Variants in KCNH8 observed in about 807,000 individuals in gnomAD.
The protein encoded by KCNH8 is potassium voltage-gated channel subfamily H member 8.
In KCNH8, 70 loss-of-function variants were observed where a neutral mutation model predicts 103.6. The observed-to-expected ratio is 0.68, with a 90% CI of 0.56 to 0.82. The LOEUF (loss-of-function observed/expected upper bound fraction) is 0.82, where lower values mean the gene tolerates loss of function less well. Ranked by LOEUF, KCNH8 falls within the 40% of genes least tolerant of loss-of-function variation. The pLI, the probability that KCNH8 is intolerant of heterozygous loss-of-function variation, is 0.00. For missense variants in KCNH8, 1,217 were observed against 1,329.9 expected (o/e 0.92, Z 1.32); for synonymous variants, 498 against 489.4 (o/e 1.02, Z -0.23).
At chr3:19,517,974 T>G in intron 14 of KCNH8, 24 bp from the exon 15 acceptor site, 1 of 1,593,882 alleles carries the variant, frequency 6.3e-7, no homozygotes, top group Non-Finnish European at 8.6e-7. Context: ...AAAGGACTCA[T>G]TCTGTATGTG....
intron 3 of KCNH8, among the ~76,000 whole-genome samples, chr3:19,300,064 C>A (rs1276717385): frequency 1.3e-5 from 2 of 151,908 alleles, no homozygotes; most frequent in African/African-American, 4.8e-5. Flanking sequence ...GCCTGGCCAA[C>A]ATGGCGAAAC....
chr3:19,238,543 A>G (rs1445806753), intron 1 of KCNH8, among the ~76,000 whole-genome samples: 2 of 152,200 alleles, frequency 1.3e-5, no homozygotes, highest in African/African-American at 2.4e-5. Context: ...TTTATGATTT[A>G]ATAACCGCAT....
chr3:19,387,221 C>T (rs1010628990), intron 5 of KCNH8, among the ~76,000 whole-genome samples: 3 of 152,118 alleles, frequency 2.0e-5, no homozygotes, highest in African/African-American at 7.2e-5. Context: ...TACCTGGGTA[C>T]TGCTGATGCT....
chr3:19,161,288 G>A (rs969609152), intron 1 of KCNH8, among the ~76,000 whole-genome samples: 5 of 152,180 alleles, frequency 3.3e-5, no homozygotes, highest in African/African-American at 4.8e-5. Context: ...GAACATATCC[G>A]TCTCAGGTAA....
At chr3:19,210,266 A>G (rs562801380) in intron 1 of KCNH8, among the ~76,000 whole-genome samples, 1 of 152,158 alleles carries the variant, frequency 6.6e-6, no homozygotes, top group Non-Finnish European at 1.5e-5. Flanking sequence ...AAGGCTCTCG[A>G]TGTTTTTTTT....
At chr3:19,510,262 A>G in intron 11 of KCNH8, 101 bp from the exon 12 acceptor site, 1 of 758,000 alleles carries the variant, frequency 1.3e-6, no homozygotes, top group Non-Finnish European at 2.4e-6. Context: ...TCCCTCCCAC[A>G]AACTCTGTAC....
At chr3:19,485,280 A>AC (rs2068181773) in intron 11 of KCNH8, among the ~76,000 whole-genome samples, 1 of 152,198 alleles carries the variant, frequency 6.6e-6, no homozygotes, top group Non-Finnish European at 1.5e-5. Context: ...GTAAGTACAC[A>AC]CAAGAACCAG....
chr3:19,324,459 C>T (rs571161140), intron 3 of KCNH8, among the ~76,000 whole-genome samples: 142 of 152,284 alleles, frequency 9.3e-4, no homozygotes, highest in African/African-American at 3.2e-3. Flanking sequence ...GGGAAAACCA[C>T]TCCCATGATT....
At chr3:19,486,779 A>C (rs2125219975) in intron 11 of KCNH8, among the ~76,000 whole-genome samples, 1 of 152,228 alleles carries the variant, frequency 6.6e-6, no homozygotes, top group Non-Finnish European at 1.5e-5. Context: ...TGGAATCCAT[A>C]ATCTGTAAAA....
chr3:19,256,281 A>G (rs1474619695), intron 2 of KCNH8, among the ~76,000 whole-genome samples: 2 of 152,178 alleles, frequency 1.3e-5, no homozygotes, highest in Non-Finnish European at 2.9e-5. Flanking sequence ...TATAGTAGTT[A>G]TGAAGTATTG....
chr3:19,373,784 G>A (rs1229510055), intron 5 of KCNH8, among the ~76,000 whole-genome samples: 16 of 151,602 alleles, frequency 1.1e-4, no homozygotes, highest in South Asian at 4.2e-4. Context: ...CTTTGAATGC[G>A]TCCCAGAGAT....
At chr3:19,363,988 C>T (rs2065978373) in intron 5 of KCNH8, among the ~76,000 whole-genome samples, 1 of 151,702 alleles carries the variant, frequency 6.6e-6, no homozygotes, top group African/African-American at 2.4e-5. Flanking sequence ...TAAATTTTAC[C>T]CCTGAATTGC....
intron 1 of KCNH8, among the ~76,000 whole-genome samples, chr3:19,190,009 G>A (rs1177088954): frequency 6.6e-6 from 1 of 151,854 alleles, no homozygotes; most frequent in African/African-American, 2.4e-5. Context: ...AGTTGATTTT[G>A]GGCAAAATTG....
intron 3 of KCNH8, among the ~76,000 whole-genome samples, chr3:19,335,427 G>GTATA (rs3067330): frequency 9.5e-5 from 14 of 147,860 alleles, no homozygotes; most frequent in East Asian, 6.0e-4. Context: ...ATATGTGTGT[G>GTATA]TATATATATG....
intron 1 of KCNH8, among the ~76,000 whole-genome samples, chr3:19,152,284 A>C (rs1165846967): frequency 6.6e-6 from 1 of 152,216 alleles, no homozygotes; most frequent in African/African-American, 2.4e-5. Context: ...ATATATACCA[A>C]TGTATTTATA....
intron 1 of KCNH8, among the ~76,000 whole-genome samples, chr3:19,228,447 C>T (rs1414175257): frequency 6.6e-6 from 1 of 152,048 alleles, no homozygotes; most frequent in Non-Finnish European, 1.5e-5. Context: ...TAATTTGTGG[C>T]TTATTTTGTA....
intron 5 of KCNH8, among the ~76,000 whole-genome samples, chr3:19,388,875 A>G (rs2066395039): frequency 6.6e-6 from 1 of 152,074 alleles, no homozygotes; most frequent in Non-Finnish European, 1.5e-5. Context: ...CAGATGTATC[A>G]CCCAGGGCAA....
chr3:19,186,732 A>G (rs1334327589), intron 1 of KCNH8, among the ~76,000 whole-genome samples: 1 of 152,114 alleles, frequency 6.6e-6, no homozygotes, highest in Non-Finnish European at 1.5e-5. Flanking sequence ...AAGTGAATGA[A>G]TCCCAAGTTT....
chr3:19,333,955 G>C (rs868195218), intron 3 of KCNH8, among the ~76,000 whole-genome samples: 4 of 152,052 alleles, frequency 2.6e-5, no homozygotes, highest in Middle Eastern at 3.2e-3. Context: ...GCACTTTTGG[G>C]ATACAAGTTT....
Sources: gnomAD v4.1 joint callset for allele counts (sites outside exome capture counted in the v4.1 genomes callset) on GRCh38, gnomAD v4.1.1 for gene constraint, MANE v1.5 for transcripts, NCBI Gene and HGNC (gene_info 2026-07-23, HGNC 2026-07-21) for gene names.